SLC2A11: variants seen among roughly 807,000 people sequenced by gnomAD.
The protein encoded by SLC2A11 is solute carrier family 2, facilitated glucose transporter member 11.
Under a neutral mutation model 52.1 loss-of-function variants are expected in SLC2A11, and 43 were observed. The ratio of observed to expected loss-of-function variants is 0.82; its 90% CI spans 0.65 to 1.06. The LOEUF is 1.06. Ranked by LOEUF, SLC2A11 falls within the 50% of genes least tolerant of loss-of-function variation. The pLI is 0.00. For missense variants in SLC2A11, 582 were observed against 654.2 expected (o/e 0.89, Z 1.20); for synonymous variants, 261 against 277.6 (o/e 0.94, Z 0.59).
chr22:23,870,012 A>T, intron 3 of SLC2A11: 1 of 717,600 alleles, frequency 1.4e-6, no homozygotes, highest in Non-Finnish European at 2.6e-6. Context: ...CCAAAGGCCC[A>T]CCTCTAAATA....
At chr22:23,859,741 G>A (rs898659327) in intron 1 of SLC2A11, among the ~76,000 whole-genome samples, 5 of 152,114 alleles carry the variant, frequency 3.3e-5, no homozygotes, top group African/African-American at 9.7e-5. Context: ...TGCCCACCTC[G>A]GCCTCCCAAA....
rs115508588 is a variant in SLC2A11, at chr22:23,869,961, C to T, written c.290+1320C>T. ...TCCAGCCCTTTTATAAAGCACTAGTCCCATCAATGAAGGTGGAGTTCTCAT... is the reference window on the plus strand; with the variant it reads ...TCCAGCCCTTTTATAAAGCACTAGTTCCATCAATGAAGGTGGAGTTCTCAT... On this transcript the variant is annotated intron_variant, in intron 3 of 11. Transcript: ENST00000316185. 29 of 717,322 alleles carry T rather than the reference C, an allele frequency of 4.0e-5. 1 individual carries two copies. In the South Asian group the frequency reaches 4.3e-4, roughly 11 times the overall value. 44.4% of individuals were successfully genotyped at this position (717,322 alleles called of 1,614,324 possible). A position where few individuals can be genotyped will look rare whatever the true frequency, so the allele number is the denominator to read the frequency against.
chr22:23,882,539 T>A lies in SLC2A11; in HGVS notation c.775T>A (p.Cys259Ser), dbSNP rs752007142. Reference sequence around the variant, plus strand: ...GGAGGAGCGCGCTGCCTGCCAGGGCTGCCGTGCCCGGCGCCCATGGGAGCT... The same window carrying A: ...GGAGGAGCGCGCTGCCTGCCAGGGCAGCCGTGCCCGGCGCCCATGGGAGCT... The part of the protein sequence containing the change: ...LEEERAACQG[C>S]RARRPWELFQ... Residue 259 changes from cysteine to serine, a missense_variant, in exon 7 of 12, where the codon TGC becomes AGC. Physicochemically the swap from Cys to Ser is moderately radical, Grantham distance 112 (BLOSUM62 -1). Transcript: ENST00000316185. 2.5e-6 allele frequency: 4 copies of A among 1,607,656 alleles called. No individual in the cohort carries two copies. The South Asian group carries it at 4.4e-5, about 18-fold the overall frequency.
chr22:23,872,804 C>T (rs900909479), intron 3 of SLC2A11: 1 of 152,218 alleles, frequency 6.6e-6, no homozygotes, highest in African/African-American at 2.4e-5. Flanking sequence ...GTCCTCTAGA[C>T]CTCAGGAACT....
At chr22:23,870,292 G>A (rs1039605100) in intron 3 of SLC2A11, 1 of 509,578 alleles carries the variant, frequency 2.0e-6, no homozygotes, top group Non-Finnish European at 3.5e-6. Flanking sequence ...TAGCATGTAT[G>A]CCTATTGTAA....
chr22:23,857,927 C>A lies in SLC2A11; in HGVS notation c.-73C>A. 1 of 1,589,748 alleles carries A rather than the reference C, an allele frequency of 6.3e-7. No homozygotes were observed. The highest frequency in any genetic ancestry group is 1.1e-5 in the South Asian group (1 of 87,280). The stretch of plus-strand genomic sequence containing the variant: ...GCCCTTCCCTCCGCGCACAGGCTGC[C>A]GGCTCACCGCTTGCTAATGGCAGCC... On this transcript the variant is annotated 5_prime_UTR_variant, in exon 1 of 12. Coordinates refer to ENST00000316185, the MANE Select transcript of SLC2A11 (RefSeq NM_001024939.4).
At chr22:23,861,393 T>C (rs1398355597) in intron 1 of SLC2A11, among the ~76,000 whole-genome samples, 1 of 147,982 alleles carries the variant, frequency 6.8e-6, no homozygotes, top group African/African-American at 2.5e-5. Context: ...TCTCTAAGGG[T>C]GTTTCACTGT....
chr22:23,879,493 T>G (rs1399706094), intron 6 of SLC2A11: 3 of 152,222 alleles, frequency 2.0e-5, no homozygotes, highest in African/African-American at 7.2e-5. Context: ...CTCAAACTCC[T>G]GAGATCAAAT....
rs1328872097 is a variant in SLC2A11 at position 23,882,467 on chromosome 22, CGGCTCCGG to C, written c.714_721del (p.Ser239LeufsTer52). The C allele has an allele frequency of 3.2e-6, 5 of 1,540,954 alleles. No homozygotes were observed. In the Admixed American group the frequency reaches 7.9e-5, roughly 24 times the overall value. On this transcript the variant is annotated frameshift_variant, in exon 7 of 12. Transcript: ENST00000316185. LOFTEE classifies it high-confidence loss of function. ...CCTCCTCCCTGGCTCAGCACTACGG[CGGCTCCGG>C]GGCTCCGGGGACTTGGCAGGGGAGC... is the stretch of plus-strand genomic sequence containing the variant.
chr22:23,873,381 A>C (rs2032521329), intron 3 of SLC2A11: 1 of 148,484 alleles, frequency 6.7e-6, no homozygotes, highest in Non-Finnish European at 1.5e-5. Context: ...CCTTGAATTT[A>C]TTTATTATTT....
chr22:23,873,628 G>T (rs2032528430), intron 3 of SLC2A11, among the ~76,000 whole-genome samples: 1 of 152,090 alleles, frequency 6.6e-6, no homozygotes, highest in African/African-American at 2.4e-5. Flanking sequence ...ACTTAAGGCA[G>T]ATCGGAGGAG....
In SLC2A11 at chr22:23,877,141, G is replaced by T; in HGVS notation, c.515G>T (p.Gly172Val). The change falls in exon 5 of 12, where the codon GGG (glycine) becomes GTG (valine). Residue 172 changes from glycine to valine, a missense_variant. Gly to Val is a moderately radical substitution (Grantham distance 109). Coordinates refer to ENST00000316185, the MANE Select transcript of SLC2A11 (RefSeq NM_001024939.4). ...AGCTCAGCCATCTTTACGGCTCTGG[G>T]GATCGTGATGGGACAGGTGGTCGGA... ...AMSSAIFTAL[G>V]IVMGQVVGLR... The T allele has an allele frequency of 6.2e-7, 1 of 1,613,308 alleles. No individual in the cohort carries two copies. Among genetic ancestry groups the T allele is most frequent in the Non-Finnish European group, 8.5e-7 (1 of 1,179,696 alleles).
intron 6 of SLC2A11, chr22:23,882,201 C>T: frequency 2.1e-6 from 1 of 481,868 alleles, no homozygotes; most frequent in East Asian, 3.4e-5. Context: ...GAGAGAAACA[C>T]ACACACACAC....
At position 23,875,713 on chromosome 22, in the gene SLC2A11, G is replaced by A. The variant is rs537189127; in HGVS notation, c.415+472G>A. 1.1e-4 allele frequency among the ~76,000 whole-genome samples: 17 copies of A among 152,228 alleles called. No homozygotes were observed. In the East Asian group the frequency reaches 2.1e-3, roughly 19 times the overall value. The stretch of plus-strand genomic sequence containing the variant: ...TCCAACCAACAAGTCATCTCTTGAC[G>A]CCCTACTGTTTATACAGCCCAGTGG... On this transcript the variant is annotated intron_variant, in intron 4 of 11. Coordinates refer to ENST00000316185, the MANE Select transcript of SLC2A11 (RefSeq NM_001024939.4).
chr22:23,858,791 C>T (rs1051088027), intron 1 of SLC2A11, among the ~76,000 whole-genome samples: 1 of 152,190 alleles, frequency 6.6e-6, no homozygotes, highest in African/African-American at 2.4e-5. Flanking sequence ...CTCTGTAGCA[C>T]CAGCTGATGT....
Position 23,884,993 on chromosome 22 carries a change from C to T in SLC2A11, c.*144C>T, listed in dbSNP as rs2032955907. ...TTGTGTGCAGACATGGCTCCAGGTG[C>T]TTAGCAATCAATGGTGAGCGTGGTA... On this transcript the variant is annotated 3_prime_UTR_variant, in exon 12 of 12. Transcript: ENST00000316185. This position sits in a 1 kb window ranked among gnomAD's most constrained non-coding sequence, Gnocchi z 4.3. The T allele has an allele frequency of 1.5e-6, 1 of 649,760 alleles. No individual in the cohort carries two copies. Among genetic ancestry groups the T allele is most frequent in the Admixed American group, 3.0e-5 (1 of 33,304 alleles). 40.2% of individuals were successfully genotyped at this position (649,760 alleles called of 1,614,324 possible).
At position 23,883,960 on chromosome 22, in the gene SLC2A11, C is replaced by T. The variant is rs756929119; in HGVS notation, c.1107C>T (p.Pro369=). 1.2e-6 allele frequency: 2 copies of T among 1,613,202 alleles called. No individual in the cohort carries two copies. Among genetic ancestry groups the T allele is most frequent in the Non-Finnish European group, 1.7e-6 (2 of 1,179,804 alleles). ...TVALCLQSSF[P]WTLYLAMACI... is the part of the protein sequence containing the mutation. ...CCCGTCCACGGCAGAGCTCCTTCCC[C>T]TGGACACTCTACCTGGCCATGGCCT... is the stretch of plus-strand genomic sequence containing the variant. The change falls in exon 10 of 12, where the codon CCC becomes CCT. Residue 369 remains proline (P), a synonymous_variant. Transcript: ENST00000316185.
upstream of SLC2A11, chr22:23,857,528 G>A: frequency 6.2e-7 from 1 of 1,612,840 alleles, no homozygotes; most frequent in South Asian, 1.1e-5. Flanking sequence ...GGCCTCGGAC[G>A]CAGGTGAGCT....
At chr22:23,860,876 C>T (rs1486994448) in intron 1 of SLC2A11, among the ~76,000 whole-genome samples, 3 of 147,912 alleles carry the variant, frequency 2.0e-5, no homozygotes, top group South Asian at 4.3e-4. Context: ...GACGGAGTCT[C>T]GCTCTGTCGC....
Sources: gnomAD v4.1 joint callset for allele counts (sites outside exome capture counted in the v4.1 genomes callset) on GRCh38, gnomAD v4.1.1 for gene constraint, Gnocchi (gnomAD v3.1) non-coding constraint, MANE v1.5 for transcripts, NCBI Gene and HGNC (gene_info 2026-07-23, HGNC 2026-07-21) for gene names.